Variants in PHF14 observed in about 807,000 individuals in gnomAD.
The protein encoded by PHF14 is PHD finger protein 14.
In PHF14, 55 loss-of-function variants were observed where a neutral mutation model predicts 117.9. The observed-to-expected ratio is 0.47, with a 90% CI of 0.38 to 0.58. The LOEUF (loss-of-function observed/expected upper bound fraction) is 0.58. Ranked by LOEUF, PHF14 falls within the 20% of genes least tolerant of loss-of-function variation. PHF14 has a pLI of 0.00. For synonymous variants in PHF14, 409 were observed against 368.6 expected (o/e 1.11, Z -1.26); for missense variants, 978 against 1,122.2 (o/e 0.87, Z 1.84).
rs1347449940 is a variant in PHF14, at chr7:11,122,340, TATATATATATATAC to T, written c.2772+10875_2772+10888del. 1.8e-4 allele frequency among the ~76,000 whole-genome samples: 16 copies of T among 88,928 alleles called. 2 individuals are homozygous for T. The highest frequency in any genetic ancestry group is 3.0e-4 in the African/African-American group (5 of 16,466). 58.3% of individuals were successfully genotyped at this position (88,928 alleles called of 152,430 possible). ...TTACTGTTTGTACTTTTTATATATATATATATATATATACACACACACACACACACACACACACA... is the reference window on the plus strand; with the variant it reads ...TTACTGTTTGTACTTTTTATATATATACACACACACACACACACACACACA... On this transcript the variant is annotated intron_variant, in intron 17 of 17. Coordinates refer to ENST00000634607, the MANE Select transcript of PHF14 (RefSeq NM_001007157.2).
Position 11,025,774 on chromosome 7 carries a change from G to C in PHF14, c.1317+2795G>C, listed in dbSNP as rs1216060688. ...CGTGCCATTGCCCTCCAGCCTAGGT[G>C]ACAGAGCGAGACTCCGTCTCAAAAA... On this transcript the variant is annotated intron_variant, in intron 6 of 17. Coordinates refer to ENST00000634607, the MANE Select transcript of PHF14 (RefSeq NM_001007157.2). Among the ~76,000 whole-genome samples the C allele has an allele frequency of 2.0e-5, 3 of 151,480 alleles. No homozygotes were observed. The East Asian group carries it at 5.9e-4, about 30-fold the overall frequency.
intron 4 of PHF14, among the ~76,000 whole-genome samples, chr7:11,003,990 G>A (rs1397682914): frequency 1.3e-5 from 2 of 152,228 alleles, no homozygotes; most frequent in South Asian, 4.1e-4. Context: ...GCTCACGCTT[G>A]TAATCCCAGC....
chr7:11,123,617 T>C (rs1440791405), intron 17 of PHF14, among the ~76,000 whole-genome samples: 1 of 152,024 alleles, frequency 6.6e-6, no homozygotes, highest in Non-Finnish European at 1.5e-5. Flanking sequence ...ATATCTCTAC[T>C]AAAAATACAA....
chr7:11,096,358 C>T (rs1407812370), intron 16 of PHF14, among the ~76,000 whole-genome samples: 1 of 152,076 alleles, frequency 6.6e-6, no homozygotes, highest in Non-Finnish European at 1.5e-5. Context: ...GACAATTTCA[C>T]TTATAGGAGA....
At chr7:11,041,424 TTGTGTGTG>T (rs58282147) in intron 12 of PHF14, among the ~76,000 whole-genome samples, 7 of 150,272 alleles carry the variant, frequency 4.7e-5, no homozygotes, top group Non-Finnish European at 1.0e-4. Context: ...GCTGGTGTTT[TTGTGTGTG>T]TGTGTGTGTG....
chr7:11,062,820 A>G (rs1241261061), intron 16 of PHF14: 3 of 985,176 alleles, frequency 3.0e-6, no homozygotes, highest in African/African-American at 1.7e-5. Flanking sequence ...GAGCTAATTT[A>G]AAAGAGGCAT....
At chr7:10,986,030 G>A (rs1455142724) in intron 3 of PHF14, among the ~76,000 whole-genome samples, 1 of 151,988 alleles carries the variant, frequency 6.6e-6, no homozygotes, top group African/African-American at 2.4e-5. Flanking sequence ...GTGCAGTGGT[G>A]TGATCATGGC....
chr7:10,977,816 A>C (rs763766482), intron 2 of PHF14, among the ~76,000 whole-genome samples: 1 of 152,186 alleles, frequency 6.6e-6, no homozygotes, highest in Non-Finnish European at 1.5e-5. Flanking sequence ...CAAAACACAC[A>C]GTCAAATATT....
In PHF14 at chr7:11,003,017, G is replaced by A. The variant is rs1024766701; in HGVS notation, c.1046-10730G>A. On this transcript the variant is annotated intron_variant, in intron 4 of 17. Coordinates refer to ENST00000634607, the MANE Select transcript of PHF14 (RefSeq NM_001007157.2). The stretch of plus-strand genomic sequence containing the variant: ...GCTGGAGTGCAGTGGCATGATCTCC[G>A]CTCACTGTCGCCTCCCAGCTTCAAG... Among the ~76,000 whole-genome samples, 45 of 151,706 alleles carry A rather than the reference G, an allele frequency of 3.0e-4. 1 individual carries two copies. Among genetic ancestry groups the A allele is most frequent in the Admixed American group, 2.8e-3 (42 of 15,224 alleles).
At chr7:11,069,874 G>T (rs560451390) in intron 16 of PHF14, among the ~76,000 whole-genome samples, 3 of 149,866 alleles carry the variant, frequency 2.0e-5, no homozygotes, top group African/African-American at 7.4e-5. Flanking sequence ...TTTTCTGGTA[G>T]AAGTATCACA....
chr7:11,111,221 G>T, intron 16 of PHF14, 129 bp from the exon 17 acceptor site: 2 of 457,242 alleles, frequency 4.4e-6, no homozygotes, highest in Non-Finnish European at 7.8e-6. Context: ...TAATGATCTT[G>T]TGAGCCAAGG....
intron 17 of PHF14, among the ~76,000 whole-genome samples, chr7:11,166,417 C>G (rs77246225): frequency 7.0e-4 from 106 of 151,808 alleles, no homozygotes; most frequent in African/African-American, 2.5e-3. Context: ...AAAAAGCTTC[C>G]TTTGCAATTT....
chr7:11,052,357 A>T (rs1014502430), intron 14 of PHF14, among the ~76,000 whole-genome samples: 1 of 152,192 alleles, frequency 6.6e-6, no homozygotes, highest in Admixed American at 6.6e-5. Flanking sequence ...CTATGGAAAG[A>T]ATAGATTATT....
intron 16 of PHF14, chr7:11,063,806 G>A (rs1232172024): frequency 4.6e-6 from 2 of 437,570 alleles, no homozygotes; most frequent in African/African-American, 4.3e-5. Context: ...ATTTTGATAA[G>A]ATTTTTGAAT....
At chr7:11,116,183 A>T (rs1295997692) in intron 17 of PHF14, among the ~76,000 whole-genome samples, 5 of 151,994 alleles carry the variant, frequency 3.3e-5, no homozygotes, top group African/African-American at 1.2e-4. Context: ...TGCCTTCTAT[A>T]TCCTTTTGAC....
intron 16 of PHF14, among the ~76,000 whole-genome samples, chr7:11,092,252 A>C (rs1347490317): frequency 6.6e-6 from 1 of 152,108 alleles, no homozygotes; most frequent in Non-Finnish European, 1.5e-5. Context: ...AATTTGCTCT[A>C]CTTTAAGACA....
intron 16 of PHF14, among the ~76,000 whole-genome samples, chr7:11,100,083 A>G (rs1223302244): frequency 6.6e-5 from 10 of 151,882 alleles, no homozygotes; most frequent in Non-Finnish European, 1.5e-4. Flanking sequence ...ATTGTTTTTG[A>G]TTTTTCTTTC....
At chr7:11,128,225 T>C (rs1460389999) in intron 17 of PHF14, among the ~76,000 whole-genome samples, 3 of 152,194 alleles carry the variant, frequency 2.0e-5, no homozygotes, top group East Asian at 3.9e-4. Flanking sequence ...AGATTTCTTA[T>C]AGCAGTTATT....
chr7:10,981,653 T>C (rs1192124365), intron 2 of PHF14, among the ~76,000 whole-genome samples: 1 of 152,202 alleles, frequency 6.6e-6, no homozygotes, highest in African/African-American at 2.4e-5. Flanking sequence ...GAGCATATAG[T>C]AGTTACTGCG....
Sources: gnomAD v4.1 joint callset for allele counts (sites outside exome capture counted in the v4.1 genomes callset) on GRCh38, gnomAD v4.1.1 for gene constraint, MANE v1.5 for transcripts, NCBI Gene and HGNC (gene_info 2026-07-23, HGNC 2026-07-21) for gene names.